SHISA6: variants seen among roughly 807,000 people sequenced by gnomAD.
SHISA6 encodes shisa family member 6, also known as protein shisa-6.
A neutral mutation model predicts 47.9 loss-of-function variants in SHISA6; 22 were observed. That is an observed-to-expected ratio of 0.46 (90% CI 0.33 to 0.66). The LOEUF (loss-of-function observed/expected upper bound fraction) is 0.66. SHISA6 is among the 30% of genes least tolerant of loss of function. The probability of loss-of-function intolerance (pLI) is 0.02; values close to 1 mark genes in which losing one functional copy is unlikely to be tolerated. For synonymous variants in SHISA6, 388 were observed against 337.8 expected, an observed-to-expected ratio of 1.15 and a Z score of -1.63; for missense variants, 680 against 764.6, an observed-to-expected ratio of 0.89 and a Z score of 1.30.
chr17:11,426,224 A>G (rs1914607936), intron 3 of SHISA6, among the ~76,000 whole-genome samples: 1 of 152,248 alleles, frequency 6.6e-6, no homozygotes, highest in Non-Finnish European at 1.5e-5. Context: ...GGAAATCCTA[A>G]AAGTGCCAAG....
chr17:11,336,184 G>A (rs1341969684), intron 2 of SHISA6, among the ~76,000 whole-genome samples: 2 of 152,124 alleles, frequency 1.3e-5, no homozygotes, highest in Non-Finnish European at 2.9e-5. Flanking sequence ...CTGTGTGACA[G>A]AGCAAGACTC....
chr17:11,448,019 C>T (rs939655174), intron 3 of SHISA6, among the ~76,000 whole-genome samples: 4 of 152,072 alleles, frequency 2.6e-5, no homozygotes, highest in African/African-American at 4.8e-5. Flanking sequence ...ATGTGACAGT[C>T]GATCGTGACT....
chr17:11,341,031 G>T (rs945885616), intron 2 of SHISA6, among the ~76,000 whole-genome samples: 3 of 152,160 alleles, frequency 2.0e-5, no homozygotes, highest in African/African-American at 7.2e-5. Flanking sequence ...TTTCTCATGT[G>T]GATAATAATT....
In SHISA6 at chr17:11,557,787, G is replaced by T; in HGVS notation, c.1139G>T (p.Arg380Leu). ...GAGGCTGACGAGTATTACATGAGAC[G>T]GCGGCACCTGCCCGACCTGGCTGCC... ...DKEADEYYMRRRHLPDLAARG... is the reference protein window; with the variant it reads ...DKEADEYYMRLRHLPDLAARG... Residue 380 changes from arginine to leucine, a missense_variant, in exon 6 of 6, where the codon CGG becomes CTG. Arg to Leu is a moderately radical substitution (Grantham distance 102). Around this residue, in one of 2 missense-constraint regions of SHISA6, gnomAD observed 559 missense variants for 674.1 expected, o/e 0.83. Coordinates refer to ENST00000441885, the MANE Select transcript of SHISA6 (RefSeq NM_207386.4). The T allele has an allele frequency of 6.4e-7, 1 of 1,550,590 alleles. No homozygotes were observed. The highest frequency in any genetic ancestry group is 8.7e-7 in the Non-Finnish European group (1 of 1,146,526).
At chr17:11,262,330 A>T (rs1908260885) in intron 1 of SHISA6, among the ~76,000 whole-genome samples, 1 of 152,134 alleles carries the variant, frequency 6.6e-6, no homozygotes, top group South Asian at 2.1e-4. Context: ...CCTCGAGAAG[A>T]TGGAATAGTC....
intron 3 of SHISA6, among the ~76,000 whole-genome samples, chr17:11,448,032 C>G (rs1330123994): frequency 6.6e-6 from 1 of 152,106 alleles, no homozygotes; most frequent in African/African-American, 2.4e-5. Flanking sequence ...TCGTGACTCA[C>G]CCAGGACCTG....
chr17:11,250,729 T>C (rs1907769285), intron 1 of SHISA6, among the ~76,000 whole-genome samples: 1 of 152,188 alleles, frequency 6.6e-6, no homozygotes, highest in Admixed American at 6.5e-5. Context: ...TCAGTCTTGC[T>C]GTGAGCCTGG....
chr17:11,362,121 G>C lies in SHISA6; in HGVS notation c.800-17293G>C, dbSNP rs138909622. 9.2e-5 allele frequency among the ~76,000 whole-genome samples: 14 copies of C among 152,012 alleles called. No individual in the cohort carries two copies. The East Asian group carries it at 2.7e-3, about 29-fold the overall frequency. On this transcript the variant is annotated intron_variant, in intron 2 of 5. Transcript: ENST00000441885. Reference sequence around the variant, plus strand: ...TCATCATTAAGATCTCCATTCCTGGGTTCATATTCCTGGGCCTAGTTTTTC... The same window carrying C: ...TCATCATTAAGATCTCCATTCCTGGCTTCATATTCCTGGGCCTAGTTTTTC...
chr17:11,298,842 T>G (rs1909833765), intron 2 of SHISA6, among the ~76,000 whole-genome samples: 1 of 152,030 alleles, frequency 6.6e-6, no homozygotes, highest in Non-Finnish European at 1.5e-5. Flanking sequence ...CATCGCTGGG[T>G]TAAAGGGAGA....
Position 11,337,353 on chromosome 17 carries a change from T to C in SHISA6, c.800-42061T>C, listed in dbSNP as rs1193542121. 3.3e-5 allele frequency among the ~76,000 whole-genome samples: 5 copies of C among 151,874 alleles called. No homozygotes were observed. The South Asian group carries it at 1.0e-3, about 31-fold the overall frequency. The stretch of plus-strand genomic sequence containing the variant: ...ATGTAGCATGTCCCACTGGAGGGTG[T>C]GTTATAGGGCCACCCATTCCCATCC... On this transcript the variant is annotated intron_variant, in intron 2 of 5. Transcript: ENST00000441885.
intron 2 of SHISA6, among the ~76,000 whole-genome samples, chr17:11,280,707 T>A (rs1909088069): frequency 6.6e-6 from 1 of 152,086 alleles, no homozygotes; most frequent in African/African-American, 2.4e-5. Flanking sequence ...TAGACCAAGA[T>A]AGGAATGGGT....
chr17:11,386,541 T>A lies in SHISA6; in HGVS notation c.895+7032T>A, dbSNP rs556878519. 2.6e-5 allele frequency among the ~76,000 whole-genome samples: 4 copies of A among 151,820 alleles called. No individual in the cohort carries two copies. The South Asian group carries it at 8.3e-4, about 32-fold the overall frequency. The stretch of plus-strand genomic sequence containing the variant: ...AGAAGGGAGGATGGTGAAAAGAGAG[T>A]TTTGTTTTGCTTTGTTTTGTTTTTT... On this transcript the variant is annotated intron_variant, in intron 3 of 5. Transcript: ENST00000441885.
chr17:11,356,953 A>C (rs903571726), intron 2 of SHISA6, among the ~76,000 whole-genome samples: 7 of 151,998 alleles, frequency 4.6e-5, no homozygotes, highest in African/African-American at 7.2e-5. Context: ...CAGGCGGATC[A>C]TGAGGTCAGG....
chr17:11,495,415 G>A (rs1410371940), intron 3 of SHISA6, among the ~76,000 whole-genome samples: 2 of 152,170 alleles, frequency 1.3e-5, no homozygotes, highest in Admixed American at 6.5e-5. Flanking sequence ...AAAAGAACTG[G>A]GGACACTGGA....
chr17:11,398,943 C>T (rs543764346), intron 3 of SHISA6, among the ~76,000 whole-genome samples: 7 of 141,318 alleles, frequency 5.0e-5, no homozygotes, highest in African/African-American at 1.9e-4. Flanking sequence ...CCTCTTCTAT[C>T]TTCTACCTAG....
chr17:11,428,305 T>C (rs1307337647), intron 3 of SHISA6, among the ~76,000 whole-genome samples: 1 of 152,208 alleles, frequency 6.6e-6, no homozygotes, highest in Admixed American at 6.5e-5. Context: ...ATGAGAAATG[T>C]GGATGTGCTC....
chr17:11,360,274 C>A (rs1912221126), intron 2 of SHISA6, among the ~76,000 whole-genome samples: 1 of 152,114 alleles, frequency 6.6e-6, no homozygotes, highest in East Asian at 1.9e-4. Flanking sequence ...AATGAGAACA[C>A]ATGGGCCGGG....
intron 2 of SHISA6, among the ~76,000 whole-genome samples, chr17:11,302,728 G>A (rs1909971989): frequency 6.6e-6 from 1 of 152,290 alleles, no homozygotes; most frequent in Admixed American, 6.5e-5. Context: ...AAGATGATTT[G>A]TGATCCAACC....
At chr17:11,346,298 C>A (rs1310464376) in intron 2 of SHISA6, among the ~76,000 whole-genome samples, 1 of 151,978 alleles carries the variant, frequency 6.6e-6, no homozygotes, top group Non-Finnish European at 1.5e-5. Flanking sequence ...GATGTTAAAC[C>A]AACCTTGAAT....
Sources: gnomAD v4.1 joint callset for allele counts (sites outside exome capture counted in the v4.1 genomes callset) on GRCh38, gnomAD v4.1.1 for gene constraint, gnomAD v4.1.1 regional missense constraint, MANE v1.5 for transcripts, NCBI Gene and HGNC (gene_info 2026-07-23, HGNC 2026-07-21) for gene names.